Variants in PHC3 observed in about 807,000 individuals in gnomAD.
The protein encoded by PHC3 is polyhomeotic homolog 3, also known as polyhomeotic-like protein 3.
A neutral mutation model predicts 107.4 loss-of-function variants in PHC3; 13 were observed. The ratio of observed to expected loss-of-function variants is 0.12; its 90% confidence interval spans 0.08 to 0.19. PHC3 has a LOEUF of 0.19. PHC3 is among the 10% of genes least tolerant of loss of function. PHC3 has a pLI of 1.00. For missense variants in PHC3, 992 were observed against 1,210.9 expected (o/e 0.82, Z 2.68); for synonymous variants, 456 against 427.4 (o/e 1.07, Z -0.83).
chr3:170,155,752 T>C (rs1256085189), intron 4 of PHC3, among the ~76,000 whole-genome samples: 2 of 151,862 alleles, frequency 1.3e-5, no homozygotes, highest in Non-Finnish European at 2.9e-5. Flanking sequence ...ATGACTGCAT[T>C]GGATATACAC....
chr3:170,178,363 C>T (rs1242431190), intron 2 of PHC3, among the ~76,000 whole-genome samples: 2 of 150,598 alleles, frequency 1.3e-5, no homozygotes, highest in Non-Finnish European at 3.0e-5. Context: ...GATCTCCTGA[C>T]CTCGTGATCC....
chr3:170,171,536 A>G, intron 3 of PHC3, 86 bp from the exon 4 acceptor site: 1 of 931,428 alleles, frequency 1.1e-6, no homozygotes, highest in Non-Finnish European at 1.6e-6. Flanking sequence ...AACCACAACA[A>G]TAAATGTCAA....
intron 4 of PHC3, among the ~76,000 whole-genome samples, chr3:170,167,759 CA>C (rs5854368): frequency 0.14 from 18,444 of 132,314 alleles, 1,258 homozygotes; most frequent in Middle Eastern, 0.26. Flanking sequence ...GGCTTCATCT[CA>C]AAAAAAAAAA....
At chr3:170,160,118 G>A (rs1727642241) in intron 4 of PHC3, among the ~76,000 whole-genome samples, 1 of 152,084 alleles carries the variant, frequency 6.6e-6, no homozygotes, top group South Asian at 2.1e-4. Flanking sequence ...CACCAAGTAG[G>A]CACTCAATAA....
intron 8 of PHC3, among the ~76,000 whole-genome samples, chr3:170,126,984 G>GCCA (rs957384757): frequency 6.6e-6 from 1 of 151,464 alleles, no homozygotes; most frequent in African/African-American, 2.4e-5. Flanking sequence ...GCCCTGCCTG[G>GCCA]AAACTGCCTT....
At chr3:170,105,765 C>G (rs2108290229) in intron 12 of PHC3, among the ~76,000 whole-genome samples, 1 of 152,226 alleles carries the variant, frequency 6.6e-6, no homozygotes, top group Non-Finnish European at 1.5e-5. Flanking sequence ...AACAGAGAAC[C>G]AATTTCAAAA....
At chr3:170,126,776 G>C (rs1384973690) in intron 8 of PHC3, among the ~76,000 whole-genome samples, 1 of 151,602 alleles carries the variant, frequency 6.6e-6, no homozygotes, top group Non-Finnish European at 1.5e-5. Context: ...CCTGACCTCA[G>C]GTGATCCACC....
In PHC3 at chr3:170,131,852, C is replaced by CA. The variant is rs1722310570; in HGVS notation, c.920-2301dup. Among the ~76,000 whole-genome samples, 3 of 152,026 alleles carry CA rather than the reference C, an allele frequency of 2.0e-5. No individual in the cohort carries two copies. The South Asian group carries it at 6.2e-4, about 32-fold the overall frequency. On this transcript the variant is annotated intron_variant, in intron 7 of 14. Coordinates refer to ENST00000495893, the MANE Select transcript of PHC3 (RefSeq NM_024947.4). The stretch of plus-strand genomic sequence containing the variant: ...ACGCCATCTCAAAAAAAAAGAATAA[C>CA]AAATCTTTCTATGCTCTGGTAAGTA...
chr3:170,129,600 A>C, intron 7 of PHC3, 48 bp from the exon 8 acceptor site: 1 of 1,506,224 alleles, frequency 6.6e-7, no homozygotes, highest in Non-Finnish European at 9.0e-7. Flanking sequence ...AAAATACAGA[A>C]ATTTTTAAAT....
chr3:170,181,636 G>T, intron 1 of PHC3, 66 bp downstream of exon 1: 1 of 1,610,808 alleles, frequency 6.2e-7, no homozygotes, highest in Admixed American at 1.7e-5. Context: ...TTTCCCCTGG[G>T]GGAACGTGTC....
intron 9 of PHC3, among the ~76,000 whole-genome samples, chr3:170,121,420 T>C (rs1425557816): frequency 6.6e-6 from 1 of 152,228 alleles, no homozygotes; most frequent in African/African-American, 2.4e-5. Context: ...CATTTGTGTT[T>C]AGTAAAATAC....
At chr3:170,129,988 C>T (rs1721981538) in intron 7 of PHC3, among the ~76,000 whole-genome samples, 1 of 152,210 alleles carries the variant, frequency 6.6e-6, no homozygotes, top group African/African-American at 2.4e-5. Flanking sequence ...CGTGAGCCAT[C>T]ACGCCTGGCC....
intron 4 of PHC3, among the ~76,000 whole-genome samples, chr3:170,158,150 G>A (rs79942900): frequency 0.014 from 2,081 of 151,870 alleles, 41 homozygotes; most frequent in African/African-American, 0.047. Flanking sequence ...AATTCCATAA[G>A]GTAAGCTGAC....
At chr3:170,131,845 A>AT (rs1478256865) in intron 7 of PHC3, among the ~76,000 whole-genome samples, 2 of 152,242 alleles carry the variant, frequency 1.3e-5, no homozygotes, top group Admixed American at 6.5e-5. Context: ...TCAAAAAAAA[A>AT]GAATAACAAA....
chr3:170,158,767 A>G (rs1464807750), intron 4 of PHC3, among the ~76,000 whole-genome samples: 1 of 151,752 alleles, frequency 6.6e-6, no homozygotes, highest in Non-Finnish European at 1.5e-5. Context: ...ACACTACAGA[A>G]AATACAAAAA....
intron 7 of PHC3, chr3:170,136,209 T>TA (rs1723049310): frequency 5.6e-6 from 3 of 535,598 alleles, no homozygotes; most frequent in Non-Finnish European, 9.4e-6. Flanking sequence ...AATTTGATTT[T>TA]AAAAAACCTA....
At chr3:170,126,051 C>T in intron 8 of PHC3, 12 of 709,098 alleles carry the variant, frequency 1.7e-5, no homozygotes, top group Non-Finnish European at 2.1e-5. Context: ...CTACCCTCAA[C>T]ATACTTATAT....
In PHC3 at chr3:170,163,591, G is replaced by A. The variant is rs543122502; in HGVS notation, c.414+7782C>T. ...TAGAAATGCATAGTCCGCCGGGCAC[G>A]GTGGCTCACACCTGTAATCCCAGAA... On this transcript the variant is annotated intron_variant, in intron 4 of 14. Transcript: ENST00000495893. Among the ~76,000 whole-genome samples the A allele has an allele frequency of 4.0e-5, 6 of 151,534 alleles. No individual in the cohort carries two copies. The East Asian group carries it at 5.8e-4, about 15-fold the overall frequency.
At chr3:170,135,205 C>T (rs1391713240) in intron 7 of PHC3, among the ~76,000 whole-genome samples, 3 of 152,124 alleles carry the variant, frequency 2.0e-5, no homozygotes, top group African/African-American at 2.4e-5. Context: ...GGCTGGAGTG[C>T]AGTGGTGCAA....
Sources: allele counts gnomAD v4.1 joint callset (sites outside exome capture counted in the v4.1 genomes callset), GRCh38; gene constraint gnomAD v4.1.1; transcripts MANE v1.5; gene names NCBI Gene and HGNC (gene_info 2026-07-23, HGNC 2026-07-21).